Variants in MICAL3 observed in about 807,000 individuals in gnomAD.
The protein encoded by MICAL3 is [F-actin]-monooxygenase MICAL3.
A neutral mutation model predicts 207.4 loss-of-function variants in MICAL3; 62 were observed. That is an observed-to-expected ratio of 0.30 (90% CI 0.24 to 0.37). MICAL3 has a LOEUF of 0.37. Ranked by LOEUF, MICAL3 falls within the 10% of genes least tolerant of loss-of-function variation. MICAL3 has a pLI of 1.00. For synonymous variants in MICAL3, 1,077 were observed against 1,069.3 expected (o/e 1.01, Z -0.14); for missense variants, 2,368 against 2,635.6 (o/e 0.90, Z 2.22).
At chr22:17,842,555 T>C (rs1023131319) in intron 19 of MICAL3, 1 of 161,306 alleles carries the variant, frequency 6.2e-6, no homozygotes, top group Non-Finnish European at 1.4e-5. Flanking sequence ...CACAGTTAGA[T>C]AAGGCACTTT....
At chr22:17,826,524 TAA>T (rs1922205304) in intron 22 of MICAL3, 1 of 985,582 alleles carries the variant, frequency 1.0e-6, no homozygotes, top group Non-Finnish European at 1.2e-6. Flanking sequence ...GCACTGAATT[TAA>T]AACAGACGAC....
chr22:18,024,492 G>T lies in MICAL3; in HGVS notation c.-286C>A, dbSNP rs1312860332. ...GGCCGCGCGGCGAGGACGGAGGGCT[G>T]CCCCGGGTGCCTGCCTACGCGGGCG... On this transcript the variant is annotated 5_prime_UTR_variant, in exon 1 of 32. Coordinates refer to ENST00000441493, the MANE Select transcript of MICAL3 (RefSeq NM_015241.3). 1.3e-5 allele frequency: 2 copies of T among 151,988 alleles called. No homozygotes were observed. The highest frequency in any genetic ancestry group is 2.9e-5 in the Non-Finnish European group (2 of 67,988). 9.4% of individuals were successfully genotyped at this position (151,988 alleles called of 1,614,324 possible).
chr22:17,810,912 T>C (rs1040807624), intron 27 of MICAL3, 99 bp from the exon 28 acceptor site: 3 of 899,706 alleles, frequency 3.3e-6, no homozygotes, highest in Middle Eastern at 2.4e-4. Flanking sequence ...CTGTCCCCCA[T>C]GTCGGAGCTG....
At chr22:17,872,145 A>G in intron 16 of MICAL3, 122 bp from the exon 17 acceptor site, 1 of 788,580 alleles carries the variant, frequency 1.3e-6, no homozygotes, top group Non-Finnish European at 2.0e-6. Context: ...TTTGAGACAG[A>G]CTTCTAACTG....
intron 9 of MICAL3, 59 bp from the exon 10 acceptor site, chr22:17,895,469 C>T (rs926068582): frequency 1.2e-5 from 19 of 1,589,704 alleles, no homozygotes; most frequent in Middle Eastern, 3.4e-4. Context: ...ATCTCCCTCT[C>T]GTTTCATGAT....
intron 8 of MICAL3, 93 bp from the exon 9 acceptor site, chr22:17,896,454 G>T: frequency 1.2e-6 from 1 of 851,390 alleles, no homozygotes; most frequent in Non-Finnish European, 1.9e-6. Context: ...GCTGTCGACA[G>T]TAGTGTTTGG....
At chr22:17,842,706 G>A (rs1312347275) in intron 19 of MICAL3, among the ~76,000 whole-genome samples, 1 of 152,206 alleles carries the variant, frequency 6.6e-6, no homozygotes, top group Non-Finnish European at 1.5e-5. Flanking sequence ...TCAGTCCTCC[G>A]TGGGCTTCTG....
At chr22:17,860,098 C>T (rs1926351190) in intron 19 of MICAL3, 1 of 830,498 alleles carries the variant, frequency 1.2e-6, no homozygotes, top group Non-Finnish European at 1.5e-6. Flanking sequence ...CTGCCTGAGC[C>T]TCCCCCTTTC....
intron 16 of MICAL3, among the ~76,000 whole-genome samples, chr22:17,878,707 A>C (rs1198265190): frequency 1.3e-5 from 2 of 152,176 alleles, no homozygotes; most frequent in Non-Finnish European, 2.9e-5. Context: ...TCATAAAGTA[A>C]GCCGGCTTCT....
chr22:17,821,591 G>T, intron 24 of MICAL3, 82 bp from the exon 25 acceptor site: 1 of 1,173,360 alleles, frequency 8.5e-7, no homozygotes, highest in Non-Finnish European at 1.2e-6. Context: ...AGCCCCAGAG[G>T]GTGGAGGGGA....
Position 17,896,770 on chromosome 22 carries a change from T to G in MICAL3, c.1160A>C (p.Asn387Thr). ...CAGAGCCACTAGTAACTGGTGTCCG[T>G]TCTGCTCCCGCACCAAGGCGGCGTT... ...SENAALVREQ[N>T]GHQLLVALVG... Residue 387 changes from asparagine (N) to threonine (T), a missense_variant, in exon 8 of 32, where the codon AAC (asparagine) becomes ACC (threonine). Coordinates refer to ENST00000441493, the MANE Select transcript of MICAL3 (RefSeq NM_015241.3). The G allele has an allele frequency of 6.2e-7, 1 of 1,613,970 alleles. No homozygotes were observed. The highest frequency in any genetic ancestry group is 8.5e-7 in the Non-Finnish European group (1 of 1,179,938).
chr22:17,916,996 C>T (rs1932565654), intron 1 of MICAL3, among the ~76,000 whole-genome samples: 1 of 152,090 alleles, frequency 6.6e-6, no homozygotes, highest in African/African-American at 2.4e-5. Flanking sequence ...TAAAAGGAAA[C>T]ATTTTACAAC....
chr22:18,002,458 C>T (rs1923101986), intron 1 of MICAL3, among the ~76,000 whole-genome samples: 1 of 151,942 alleles, frequency 6.6e-6, no homozygotes, highest in Non-Finnish European at 1.5e-5. Flanking sequence ...CATGGTGAAA[C>T]CCCGTCTCTA....
intron 1 of MICAL3, among the ~76,000 whole-genome samples, chr22:17,972,520 T>C (rs995485906): frequency 1.1e-4 from 17 of 151,992 alleles, no homozygotes; most frequent in Non-Finnish European, 2.9e-5. Flanking sequence ...CACAGAAAGG[T>C]TGAGCCCGCC....
chr22:17,898,512 T>C (rs774078290), intron 7 of MICAL3, among the ~76,000 whole-genome samples: 4 of 152,180 alleles, frequency 2.6e-5, no homozygotes, highest in South Asian at 2.1e-4. Flanking sequence ...TGCTGTCATA[T>C]AAGGTAGTAC....
intron 1 of MICAL3, among the ~76,000 whole-genome samples, chr22:17,909,651 G>A (rs1048827071): frequency 6.6e-6 from 1 of 152,186 alleles, no homozygotes; most frequent in African/African-American, 2.4e-5. Flanking sequence ...AAAAAAGAAA[G>A]GTTTTATTCT....
intron 17 of MICAL3, among the ~76,000 whole-genome samples, chr22:17,871,411 C>T (rs1927713243): frequency 6.6e-6 from 1 of 152,212 alleles, no homozygotes; most frequent in African/African-American, 2.4e-5. Context: ...GAGCAAAGGT[C>T]TGAGAACCCA....
intron 1 of MICAL3, among the ~76,000 whole-genome samples, chr22:17,992,610 CT>C (rs1382670015): frequency 1.3e-5 from 2 of 152,146 alleles, no homozygotes; most frequent in African/African-American, 2.4e-5. Flanking sequence ...GGAATCCCCC[CT>C]GCTCCCTGGC....
chr22:18,010,467 A>G (rs1373709390), intron 1 of MICAL3, among the ~76,000 whole-genome samples: 1 of 152,154 alleles, frequency 6.6e-6, no homozygotes, highest in Non-Finnish European at 1.5e-5. Flanking sequence ...TTGGATAGAG[A>G]GAGTCTTTGT....
Sources: allele counts gnomAD v4.1 joint callset (sites outside exome capture counted in the v4.1 genomes callset), GRCh38; gene constraint gnomAD v4.1.1; transcripts MANE v1.5; gene names NCBI Gene and HGNC (gene_info 2026-07-23, HGNC 2026-07-21).